SRCIN1: variants seen among roughly 807,000 people sequenced by gnomAD.
The protein encoded by SRCIN1 is SRC kinase signaling inhibitor 1, also known as P130Cas-associated protein.
Under a neutral mutation model 116.2 loss-of-function variants are expected in SRCIN1, and 50 were observed. That is an observed-to-expected ratio of 0.43 (90% confidence interval 0.34 to 0.54). SRCIN1 has a LOEUF of 0.54. SRCIN1 is among the 20% of genes least tolerant of loss of function. SRCIN1 has a pLI of 0.02. For missense variants in SRCIN1, 1,446 were observed against 1,672.0 expected (o/e 0.86, Z 2.36); for synonymous variants, 736 against 750.0 (o/e 0.98, Z 0.30).
At chr17:38,538,755 G>C (rs148773019) in intron 18 of SRCIN1, among the ~76,000 whole-genome samples, 8 of 152,140 alleles carry the variant, frequency 5.3e-5, no homozygotes, top group Admixed American at 5.2e-4. Context: ...TCACACCCAC[G>C]AGGTTATGCT....
intron 18 of SRCIN1, 44 bp from the exon 19 acceptor site, chr17:38,533,475 C>A: frequency 1.3e-6 from 2 of 1,557,188 alleles, no homozygotes; most frequent in East Asian, 2.3e-5. Flanking sequence ...CGGAAGGGAG[C>A]GCCTCCATGC....
chr17:38,566,865 G>A (rs71384242), intron 3 of SRCIN1, among the ~76,000 whole-genome samples: 5 of 61,166 alleles, frequency 8.2e-5, no homozygotes, highest in African/African-American at 2.1e-4. Context: ...GTTTTGTTTC[G>A]TTTCCTTCCT....
chr17:38,557,990 AAGACCATAG>A (rs980005156), intron 11 of SRCIN1, among the ~76,000 whole-genome samples: 5 of 152,198 alleles, frequency 3.3e-5, no homozygotes, highest in African/African-American at 1.2e-4. Flanking sequence ...ATTATGAAGC[AAGACCATAG>A]CAAAAGCAGG....
chr17:38,552,537 G>T lies in SRCIN1; in HGVS notation c.2390C>A (p.Ala797Glu). 6.2e-7 allele frequency: 1 copy of T among 1,607,190 alleles called. No homozygotes were observed. The change falls in exon 13 of 19, where the codon GCG (alanine) becomes GAG (glutamate). Residue 797 changes from alanine to glutamate, a missense_variant. Ala to Glu is a moderately radical substitution (Grantham distance 107, BLOSUM62 -1). Transcript: ENST00000617146. The surrounding 1 kb of genome is among the most constrained non-coding windows in gnomAD (Gnocchi z 5.3). ...MRVVLRVEVEAVKFLKEEPQR... is the reference protein window; with the variant it reads ...MRVVLRVEVEEVKFLKEEPQR... ...GGGCTCCTCCTTCAGGAACTTCACC[G>T]CCTCCACCTCCACGCGCAGCACCAC...
At chr17:38,565,387 AATAATC>A (rs1906617805) in intron 3 of SRCIN1, among the ~76,000 whole-genome samples, 1 of 152,212 alleles carries the variant, frequency 6.6e-6, no homozygotes, top group Non-Finnish European at 1.5e-5. Context: ...ACTGTCAAGA[AATAATC>A]ATGTTGCCCA....
At chr17:38,559,255 C>T in intron 10 of SRCIN1, 1 of 462,936 alleles carries the variant, frequency 2.2e-6, no homozygotes, top group Non-Finnish European at 3.8e-6. Context: ...GGAACTGCCC[C>T]GAGGGATACT....
intron 18 of SRCIN1, among the ~76,000 whole-genome samples, chr17:38,539,021 G>C (rs577544147): frequency 3.3e-5 from 5 of 152,168 alleles, no homozygotes; most frequent in Non-Finnish European, 7.3e-5. Flanking sequence ...CCATTATAGC[G>C]ATTGTCATTT....
chr17:38,537,562 C>T (rs893377712), intron 18 of SRCIN1, among the ~76,000 whole-genome samples: 33 of 151,152 alleles, frequency 2.2e-4, no homozygotes, highest in Admixed American at 2.6e-4. Context: ...GAGGCCGAGG[C>T]GGGCGGATCA....
Position 38,563,754 on chromosome 17 carries a change from T to A in SRCIN1, c.542-233A>T, listed in dbSNP as rs759178861. Reference sequence around the variant, plus strand: ...TGGACTCCAGGCAGTTGAAGGAACTTGGACAAGGAAATGGAAGTGGGGGCA... The same window carrying A: ...TGGACTCCAGGCAGTTGAAGGAACTAGGACAAGGAAATGGAAGTGGGGGCA... On this transcript the variant is annotated intron_variant, in intron 4 of 18. Transcript: ENST00000617146. The surrounding 1 kb of genome is among the most constrained non-coding windows in gnomAD (Gnocchi z 5.8). The A allele has an allele frequency of 1.4e-6, 1 of 691,432 alleles. No homozygotes were observed. The highest frequency in any genetic ancestry group is 2.4e-5 in the Admixed American group (1 of 41,320). 42.8% of individuals were successfully genotyped at this position (691,432 alleles called of 1,614,324 possible).
Position 38,558,220 on chromosome 17 carries a change from G to A in SRCIN1, c.2201+7C>T. The A allele has an allele frequency of 6.2e-7, 1 of 1,609,226 alleles. No individual in the cohort carries two copies. On this transcript the variant is annotated splice_region_variant and intron_variant, in intron 11 of 18. Transcript: ENST00000617146. This position sits in a 1 kb window ranked among gnomAD's most constrained non-coding sequence, Gnocchi z 4.6. ...CACCCCTCCCTCCGCCGCGGGCCCA[G>A]CCTCACTTGAGCTGCTGGGTAATAA...
intron 18 of SRCIN1, chr17:38,543,016 C>G (rs943427241): frequency 4.4e-6 from 2 of 452,866 alleles, no homozygotes; most frequent in Non-Finnish European, 8.9e-6. Context: ...CACTAAGGGT[C>G]TCTCACAACA....
At position 38,561,662 on chromosome 17, in the gene SRCIN1, G is replaced by T; in HGVS notation, c.1501C>A (p.Arg501Ser). 2 of 1,558,326 alleles carry T rather than the reference G, an allele frequency of 1.3e-6. No individual in the cohort carries two copies. The highest frequency in any genetic ancestry group is 2.4e-5 in the East Asian group (1 of 41,888). ...PHSPYSGPPS[R>S]GSPVRQSFRK... ...AAGGACTGGCGCACTGGCGAGCCGC[G>T]GCTGGGCGGCCCCGAGTAGGGGCTG... The change falls in exon 7 of 19, where the codon CGC (arginine) becomes AGC (serine). Residue 501 changes from arginine (R) to serine (S), a missense_variant. Around this residue, in one of 5 missense-constraint regions of SRCIN1, gnomAD observed 398 missense variants for 385.6 expected, o/e 1.03. Coordinates refer to ENST00000617146, the MANE Select transcript of SRCIN1 (RefSeq NM_025248.3).
chr17:38,556,379 GCACCTAAA>G (rs548378891), intron 11 of SRCIN1, among the ~76,000 whole-genome samples: 260 of 152,364 alleles, frequency 1.7e-3, no homozygotes, highest in African/African-American at 6.0e-3. Context: ...AGCAGAGGCT[GCACCTAAA>G]GGCAGTGCCC....
intron 2 of SRCIN1, among the ~76,000 whole-genome samples, chr17:38,574,368 A>G (rs891414541): frequency 8.5e-5 from 13 of 152,214 alleles, no homozygotes; most frequent in African/African-American, 3.1e-4. Flanking sequence ...TTCAGAATAG[A>G]TGGCTTGATG....
intron 18 of SRCIN1, chr17:38,542,392 G>T (rs955023614): frequency 3.9e-5 from 6 of 152,572 alleles, no homozygotes; most frequent in Admixed American, 3.9e-4. Context: ...TCACATGGGG[G>T]TAATAGACCT....
chr17:38,575,787 C>T (rs1404686594), intron 2 of SRCIN1, among the ~76,000 whole-genome samples: 1 of 152,220 alleles, frequency 6.6e-6, no homozygotes, highest in Admixed American at 6.5e-5. Flanking sequence ...CACCCCACAC[C>T]TAAGACCATC....
At chr17:38,546,080 G>A (rs1383700166) in intron 17 of SRCIN1, among the ~76,000 whole-genome samples, 2 of 152,194 alleles carry the variant, frequency 1.3e-5, no homozygotes, top group Non-Finnish European at 2.9e-5. Context: ...CACCTGCTCC[G>A]GTGCCAGCAT....
rs1305026333 is a variant in SRCIN1 at position 38,544,272 on chromosome 17, C to A, written c.3271-303G>T. On this transcript the variant is annotated intron_variant, in intron 17 of 18. Coordinates refer to ENST00000617146, the MANE Select transcript of SRCIN1 (RefSeq NM_025248.3). The surrounding 1 kb of genome is among the most constrained non-coding windows in gnomAD (Gnocchi z 4.5). ...GCAGCTGATGCCCTCCTTGGGGAGC[C>A]TCTGCTAAAGTGAGGGTCCCCAGCA... Among the ~76,000 whole-genome samples the A allele has an allele frequency of 1.3e-5, 2 of 152,062 alleles. No homozygotes were observed. The highest frequency in any genetic ancestry group is 4.8e-5 in the African/African-American group (2 of 41,418).
intron 18 of SRCIN1, among the ~76,000 whole-genome samples, chr17:38,534,735 C>A (rs1258063898): frequency 7.9e-5 from 12 of 152,216 alleles, no homozygotes; most frequent in African/African-American, 2.4e-5. Flanking sequence ...GCTGCAATCA[C>A]CATTTCTCCT....
Sources: gnomAD v4.1 joint callset for allele counts (sites outside exome capture counted in the v4.1 genomes callset) on GRCh38, gnomAD v4.1.1 for gene constraint, gnomAD v4.1.1 regional missense constraint, Gnocchi (gnomAD v3.1) non-coding constraint, MANE v1.5 for transcripts, NCBI Gene and HGNC (gene_info 2026-07-23, HGNC 2026-07-21) for gene names.